Variants in RGS6 observed in about 807,000 individuals in gnomAD.
RGS6 encodes the protein regulator of G-protein signaling 6.
Under a neutral mutation model 78.5 loss-of-function variants are expected in RGS6, and 30 were observed. That is an observed-to-expected ratio of 0.38 (90% confidence interval 0.29 to 0.52). RGS6 has a LOEUF of 0.52. Ranked by LOEUF, RGS6 falls within the 20% of genes least tolerant of loss-of-function variation. RGS6 has a pLI of 0.85. For synonymous variants in RGS6, 206 were observed against 206.0 expected, an observed-to-expected ratio of 1.00 and a Z score of 0.00; for missense variants, 495 against 609.7, an observed-to-expected ratio of 0.81 and a Z score of 1.98.
chr14:72,240,201 AAT>A (rs1408195677), intron 2 of RGS6, among the ~76,000 whole-genome samples: 1 of 152,180 alleles, frequency 6.6e-6, no homozygotes, highest in Non-Finnish European at 1.5e-5. Context: ...CCTTTGAATA[AAT>A]ATGATTTTCT....
intron 3 of RGS6, among the ~76,000 whole-genome samples, chr14:72,381,138 T>C (rs1192371941): frequency 1.3e-5 from 2 of 151,938 alleles, no homozygotes; most frequent in African/African-American, 4.8e-5. Flanking sequence ...AAGTAGAAAG[T>C]AGAGCAGAGG....
chr14:72,258,911 A>T (rs906598234), intron 2 of RGS6, among the ~76,000 whole-genome samples: 1 of 152,174 alleles, frequency 6.6e-6, no homozygotes, highest in Non-Finnish European at 1.5e-5. Context: ...ATGAGCCACA[A>T]ATTTGCTTCT....
chr14:72,459,772 G>A, intron 6 of RGS6, 89 bp downstream of exon 6: 1 of 1,292,996 alleles, frequency 7.7e-7, no homozygotes, highest in South Asian at 1.2e-5. Flanking sequence ...TGTGGGCCAT[G>A]GTGGTACATG....
chr14:72,262,961 G>A (rs2153890935), intron 2 of RGS6, among the ~76,000 whole-genome samples: 1 of 152,188 alleles, frequency 6.6e-6, no homozygotes, highest in Non-Finnish European at 1.5e-5. Flanking sequence ...AGGCTGATCT[G>A]GCCCTTAGAA....
At position 72,525,910 on chromosome 14, in the gene RGS6, T is replaced by C. The variant is rs186353035; in HGVS notation, c.1278+7373T>C. Among the ~76,000 whole-genome samples, 368 of 152,316 alleles carry C rather than the reference T, an allele frequency of 2.4e-3. 1 individual carries two copies. The highest frequency in any genetic ancestry group is 8.3e-3 in the Admixed American group (127 of 15,288). ...GGGAGATGAACAGCAGAGGGAGGGA[T>C]GCATTTTGCAGAGAATAAATCAGTC... On this transcript the variant is annotated intron_variant, in intron 15 of 17. Coordinates refer to ENST00000553525, the MANE Select transcript of RGS6 (RefSeq NM_001204424.2).
chr14:72,400,552 C>T (rs1051118293), intron 3 of RGS6, among the ~76,000 whole-genome samples: 1 of 152,180 alleles, frequency 6.6e-6, no homozygotes, highest in Non-Finnish European at 1.5e-5. Flanking sequence ...AAGATTCTCA[C>T]ACATAATGGG....
chr14:72,154,904 G>T (rs2153646083), intron 2 of RGS6, among the ~76,000 whole-genome samples: 1 of 152,316 alleles, frequency 6.6e-6, no homozygotes, highest in African/African-American at 2.4e-5. Flanking sequence ...TTCCCAAGCA[G>T]CATGCTAAGA....
intron 15 of RGS6, among the ~76,000 whole-genome samples, chr14:72,531,463 C>G (rs1263330804): frequency 6.7e-6 from 1 of 148,416 alleles, no homozygotes; most frequent in Non-Finnish European, 1.5e-5. Flanking sequence ...AGAACCAAGT[C>G]AGTATTTAAT....
chr14:72,203,068 G>A (rs1361262666), intron 2 of RGS6, among the ~76,000 whole-genome samples: 3 of 151,934 alleles, frequency 2.0e-5, no homozygotes, highest in Non-Finnish European at 4.4e-5. Context: ...GTGGAGACAG[G>A]GTTTCACCGT....
chr14:72,108,635 T>G (rs189023088), intron 2 of RGS6, among the ~76,000 whole-genome samples: 3 of 152,156 alleles, frequency 2.0e-5, no homozygotes, highest in Admixed American at 6.5e-5. Flanking sequence ...TTAAAAAAAT[T>G]TAATTTCCCC....
intron 2 of RGS6, among the ~76,000 whole-genome samples, chr14:72,071,639 T>C (rs1426466712): frequency 6.6e-6 from 1 of 152,210 alleles, no homozygotes; most frequent in African/African-American, 2.4e-5. Context: ...TATAACTTGT[T>C]TTTTAAAATT....
chr14:72,307,524 T>C (rs2067536716), intron 2 of RGS6, among the ~76,000 whole-genome samples: 1 of 152,206 alleles, frequency 6.6e-6, no homozygotes, highest in Non-Finnish European at 1.5e-5. Context: ...TTGACAATAA[T>C]TCTTTTTTCC....
chr14:72,484,893 A>C (rs1321570900), intron 12 of RGS6, among the ~76,000 whole-genome samples: 1 of 150,080 alleles, frequency 6.7e-6, no homozygotes, highest in Non-Finnish European at 1.5e-5. Context: ...CTACTAAATG[A>C]CTGACCACAG....
intron 13 of RGS6, among the ~76,000 whole-genome samples, 173 bp downstream of exon 13, chr14:72,495,435 G>A (rs529515995): frequency 6.0e-4 from 91 of 152,240 alleles, no homozygotes; most frequent in African/African-American, 2.0e-3. Context: ...TTATAGCTTT[G>A]ATTTGTGCAT....
chr14:72,452,042 G>C (rs138373705), intron 3 of RGS6, among the ~76,000 whole-genome samples: 9 of 152,262 alleles, frequency 5.9e-5, no homozygotes, highest in East Asian at 3.9e-4. Flanking sequence ...GAGCCACTGC[G>C]CCTGGCCAGA....
chr14:72,605,784 C>T, the RGS6 span, among the ~76,000 whole-genome samples: 1 of 152,230 alleles, frequency 6.6e-6, no homozygotes, highest in Non-Finnish European at 1.5e-5. Context: ...GAATGGGCTA[C>T]ATCCATTTGT....
At chr14:72,495,964 C>T (rs2153416146) in intron 13 of RGS6, among the ~76,000 whole-genome samples, 1 of 152,302 alleles carries the variant, frequency 6.6e-6, no homozygotes, top group East Asian at 1.9e-4. Context: ...GTGTGGTGTG[C>T]CTTCACACCC....
At chr14:71,913,289 A>G in the RGS6 span, among the ~76,000 whole-genome samples, 1 of 152,164 alleles carries the variant, frequency 6.6e-6, no homozygotes, top group Non-Finnish European at 1.5e-5. Context: ...AACTTGCTCA[A>G]TATGTGTAAG....
rs71109731 is a variant in RGS6 at position 72,316,896 on chromosome 14, A to AGTGTGTGTGTGTGT, written c.85-35172_85-35159dup. On this transcript the variant is annotated intron_variant, in intron 2 of 17. Transcript: ENST00000553525. ...GGTATAGAGAATTGAAAGCAGGTGA[A>AGTGTGTGTGTGTGT]GTGTGTGTGTGTGTGTGTGTGTGTG... 2.0e-3 allele frequency among the ~76,000 whole-genome samples: 285 copies of AGTGTGTGTGTGTGT among 141,914 alleles called. 2 individuals are homozygous for AGTGTGTGTGTGTGT. The highest frequency in any genetic ancestry group is 6.0e-3 in the African/African-American group (227 of 37,686). The allele number at this position is 141,914 out of a possible 152,430, so 93.1% of individuals were successfully genotyped here. A position where few individuals can be genotyped will look rare whatever the true frequency, so the allele number is the denominator to read the frequency against.
Sources: gnomAD v4.1 joint callset for allele counts (sites outside exome capture counted in the v4.1 genomes callset) on GRCh38, gnomAD v4.1.1 for gene constraint, MANE v1.5 for transcripts, NCBI Gene and HGNC (gene_info 2026-07-23, HGNC 2026-07-21) for gene names.